Variants in WWOX observed in about 807,000 individuals in gnomAD.
The protein encoded by WWOX is WW domain containing oxidoreductase, also known as WW domain-containing oxidoreductase.
In WWOX, 69 loss-of-function variants were observed where a neutral mutation model predicts 46.2. The observed-to-expected ratio is 1.49, with a 90% CI of 1.23 to 1.82. The LOEUF is 1.82. WWOX is among the 40% of genes most tolerant of loss of function. The pLI is 0.00. For synonymous variants in WWOX, 359 were observed against 202.6 expected (o/e 1.77, Z -6.56); for missense variants, 919 against 542.6 (o/e 1.69, Z -6.89).
At chr16:78,795,595 TC>T (rs1420330314) in intron 8 of WWOX, among the ~76,000 whole-genome samples, 1 of 152,236 alleles carries the variant, frequency 6.6e-6, no homozygotes, top group Non-Finnish European at 1.5e-5. Flanking sequence ...GACAGTGCTT[TC>T]TTGGAGCACC....
chr16:78,978,492 A>G (rs2046616285), intron 8 of WWOX, among the ~76,000 whole-genome samples: 1 of 152,108 alleles, frequency 6.6e-6, no homozygotes, highest in African/African-American at 2.4e-5. Context: ...ACTGTCACCA[A>G]CTCTGTCAGT....
intron 8 of WWOX, among the ~76,000 whole-genome samples, chr16:78,985,199 A>C (rs757384908): frequency 3.3e-5 from 5 of 152,172 alleles, no homozygotes; most frequent in Non-Finnish European, 5.9e-5. Flanking sequence ...CCAGGACTTA[A>C]CTCTGGAGAG....
At chr16:78,223,451 A>C (rs1228637165) in intron 5 of WWOX, among the ~76,000 whole-genome samples, 1 of 152,064 alleles carries the variant, frequency 6.6e-6, no homozygotes, top group Non-Finnish European at 1.5e-5. Flanking sequence ...AATGCCAGGG[A>C]TGTGTTGATG....
intron 8 of WWOX, among the ~76,000 whole-genome samples, chr16:79,207,089 C>T (rs186776296): frequency 6.6e-6 from 1 of 152,158 alleles, no homozygotes; most frequent in African/African-American, 2.4e-5. Flanking sequence ...TACTGGGAGA[C>T]AGGGAAAGAC....
At chr16:78,974,933 T>C (rs2151327073) in intron 8 of WWOX, among the ~76,000 whole-genome samples, 1 of 152,140 alleles carries the variant, frequency 6.6e-6, no homozygotes, top group East Asian at 1.9e-4. Flanking sequence ...CCTCGGAATT[T>C]AATGAGGCCT....
chr16:78,356,504 A>T (rs1490489457), intron 5 of WWOX, among the ~76,000 whole-genome samples: 1 of 152,084 alleles, frequency 6.6e-6, no homozygotes, highest in East Asian at 1.9e-4. Flanking sequence ...CCTACCCTAG[A>T]CCTCATCTCC....
chr16:78,321,094 CAG>C (rs1448217156), intron 5 of WWOX, among the ~76,000 whole-genome samples: 4 of 152,026 alleles, frequency 2.6e-5, no homozygotes, highest in East Asian at 1.9e-4. Context: ...GCCTGAACAC[CAG>C]AGTGTCTTTT....
In WWOX at chr16:78,883,015, C is replaced by G. The variant is rs1008155404; in HGVS notation, c.1057-328593C>G. ...CTTTGGCTGCTCCCGACACAAGGAA[C>G]TGCAACTAAATTGAAGGCTTGAGGA... On this transcript the variant is annotated intron_variant, in intron 8 of 8. Coordinates refer to ENST00000566780, the MANE Select transcript of WWOX (RefSeq NM_016373.4). Among the ~76,000 whole-genome samples, 4 of 152,268 alleles carry G rather than the reference C, an allele frequency of 2.6e-5. No individual in the cohort carries two copies. The South Asian group carries it at 6.2e-4, about 24-fold the overall frequency.
intron 8 of WWOX, among the ~76,000 whole-genome samples, chr16:79,077,756 T>C (rs141523998): frequency 4.0e-4 from 61 of 152,274 alleles, no homozygotes; most frequent in African/African-American, 1.4e-3. Context: ...CCTTTTGTTT[T>C]GTTATCATTT....
At chr16:78,973,161 C>G (rs2046505012) in intron 8 of WWOX, among the ~76,000 whole-genome samples, 1 of 152,162 alleles carries the variant, frequency 6.6e-6, no homozygotes, top group Non-Finnish European at 1.5e-5. Flanking sequence ...TCTGCCACGT[C>G]CGCCTTTATG....
intron 8 of WWOX, among the ~76,000 whole-genome samples, chr16:79,180,140 G>A (rs1184094373): frequency 1.3e-5 from 2 of 152,170 alleles, no homozygotes; most frequent in Non-Finnish European, 2.9e-5. Context: ...GGGGAATCCA[G>A]AGTCTTGGTC....
chr16:78,925,146 G>C lies in WWOX; in HGVS notation c.1057-286462G>C, dbSNP rs560730429. Among the ~76,000 whole-genome samples the C allele has an allele frequency of 7.9e-5, 12 of 152,304 alleles. No individual in the cohort carries two copies. The South Asian group carries it at 2.5e-3, about 32-fold the overall frequency. The stretch of plus-strand genomic sequence containing the variant: ...GGAGGTCGAGGCTGCAGTGAGCAAT[G>C]ATATTGCCACTGCACTCCAGACTGC... On this transcript the variant is annotated intron_variant, in intron 8 of 8. Transcript: ENST00000566780.
intron 8 of WWOX, among the ~76,000 whole-genome samples, chr16:79,013,146 C>G (rs372566651): frequency 2.5e-4 from 38 of 152,330 alleles, no homozygotes; most frequent in African/African-American, 8.9e-4. Flanking sequence ...ATCTCCCTGC[C>G]CTGGTCTGAA....
chr16:78,246,598 A>C (rs776605602), intron 5 of WWOX, among the ~76,000 whole-genome samples: 1 of 152,190 alleles, frequency 6.6e-6, no homozygotes, highest in African/African-American at 2.4e-5. Context: ...TCTTCCATCA[A>C]GTTGGTGAAG....
chr16:78,570,079 G>A (rs771038881), intron 8 of WWOX, among the ~76,000 whole-genome samples: 1 of 152,146 alleles, frequency 6.6e-6, no homozygotes, highest in Non-Finnish European at 1.5e-5. Context: ...GTTGATTTAT[G>A]TTCATATAAC....
intron 8 of WWOX, among the ~76,000 whole-genome samples, chr16:79,009,090 G>T (rs767592153): frequency 6.6e-6 from 1 of 152,164 alleles, no homozygotes; most frequent in Non-Finnish European, 1.5e-5. Context: ...TGGCAGAGGG[G>T]GCAGAGGTGT....
chr16:78,397,099 C>T (rs567506352), intron 6 of WWOX, among the ~76,000 whole-genome samples: 47 of 152,246 alleles, frequency 3.1e-4, no homozygotes, highest in African/African-American at 1.1e-3. Flanking sequence ...TAGTTAATTT[C>T]AATTCTTTGA....
chr16:78,537,817 C>T (rs551227748), intron 8 of WWOX, among the ~76,000 whole-genome samples: 101 of 152,104 alleles, frequency 6.6e-4, no homozygotes, highest in African/African-American at 2.4e-3. Context: ...CTGGGAGGGC[C>T]AGAACGATCC....
chr16:78,753,994 T>A (rs4887979), intron 8 of WWOX, among the ~76,000 whole-genome samples: 1 of 150,276 alleles, frequency 6.7e-6, no homozygotes, highest in Admixed American at 6.6e-5. Flanking sequence ...AAAAGAGATA[T>A]GCCAAAGAGA....
Sources: gnomAD v4.1 joint callset for allele counts (sites outside exome capture counted in the v4.1 genomes callset) on GRCh38, gnomAD v4.1.1 for gene constraint, MANE v1.5 for transcripts, NCBI Gene and HGNC (gene_info 2026-07-23, HGNC 2026-07-21) for gene names.